DMD: variants seen among roughly 807,000 people sequenced by gnomAD.
The protein encoded by DMD is mutant dystrophin.
Under a neutral mutation model 330.1 loss-of-function variants are expected in DMD, and 63 were observed. The ratio of observed to expected loss-of-function variants is 0.19; its 90% confidence interval spans 0.16 to 0.24. The LOEUF is 0.24. Ranked by LOEUF, DMD falls within the 10% of genes least tolerant of loss-of-function variation. The probability of loss-of-function intolerance (pLI) is 1.00; values close to 1 mark genes in which losing one functional copy is unlikely to be tolerated. For synonymous variants in DMD, 1,223 were observed against 959.8 expected (o/e 1.27, Z -5.07); for missense variants, 3,344 against 2,684.1 (o/e 1.25, Z -5.43).
intron 43 of DMD, among the ~76,000 whole-genome samples, chrX:32,284,788 G>T (rs1413735044): frequency 2.7e-5 from 3 of 112,229 alleles, no homozygotes; most frequent in Non-Finnish European, 5.6e-5. Context: ...TTGTATCTGA[G>T]ATTGTACTAA....
chrX:32,080,774 A>G (rs531082410), intron 44 of DMD, among the ~76,000 whole-genome samples: 2 of 111,562 alleles, frequency 1.8e-5, no homozygotes, highest in South Asian at 7.7e-4. Context: ...AGCCATGAAG[A>G]GCCCCCTTGC....
rs192905040 is a variant in DMD, at chrX:31,750,025, T to C, written c.7543-20277A>G. On this transcript the variant is annotated intron_variant, in intron 51 of 78. Coordinates refer to ENST00000357033, the MANE Select transcript of DMD (RefSeq NM_004006.3). ...TTTCTTGTAAATTTGTTGGAGTTCA[T>C]TGTAGATTCTGGATATTAGCTCTTT... is the stretch of plus-strand genomic sequence containing the variant. Among the ~76,000 whole-genome samples, 495 of 110,421 alleles carry C rather than the reference T, an allele frequency of 4.5e-3. 4 individuals carry two copies. Among genetic ancestry groups the C allele is most frequent in the African/African-American group, 0.016 (469 of 30,252 alleles).
chrX:32,809,671 C>A, intron 6 of DMD, 60 bp from the exon 7 acceptor site: 2 of 1,002,259 alleles, frequency 2.0e-6, no homozygotes, highest in Admixed American at 2.2e-5. Context: ...CTAGAATGTT[C>A]CATGAGATTT....
intron 1 of DMD, among the ~76,000 whole-genome samples, chrX:33,317,881 C>T (rs2053955600): frequency 9.0e-6 from 1 of 111,293 alleles, no homozygotes; most frequent in Admixed American, 9.6e-5. Context: ...ACAGTCTAGT[C>T]CATTATTAAC....
intron 7 of DMD, among the ~76,000 whole-genome samples, chrX:32,739,649 C>T (rs187437477): frequency 7.9e-4 from 88 of 111,761 alleles, no homozygotes; most frequent in Admixed American, 2.6e-3. Context: ...AATTTGGAAA[C>T]TTGAGAAGTA....
intron 43 of DMD, among the ~76,000 whole-genome samples, chrX:32,230,351 T>C: frequency 8.9e-6 from 1 of 111,871 alleles, no homozygotes; most frequent in East Asian, 2.8e-4. Context: ...TTCACGCCTT[T>C]CTCCCGCCTC....
chrX:31,655,446 A>G (rs1346152884), intron 54 of DMD, among the ~76,000 whole-genome samples: 11 of 111,283 alleles, frequency 9.9e-5, no homozygotes, highest in Non-Finnish European at 2.1e-4. Flanking sequence ...ATGCTGAAAT[A>G]AGATTTTTGG....
intron 9 of DMD, among the ~76,000 whole-genome samples, chrX:32,661,387 CT>C (rs200499846): frequency 0.036 from 4,038 of 110,737 alleles, 183 homozygotes; most frequent in African/African-American, 0.13. Context: ...CTACATTTTA[CT>C]ATGAGGAGAC....
intron 61 of DMD, among the ~76,000 whole-genome samples, chrX:31,332,234 C>T (rs753534954): frequency 4.8e-4 from 54 of 112,225 alleles, no homozygotes; most frequent in African/African-American, 1.7e-3. Flanking sequence ...TAGAAACCAT[C>T]TAAACTGAAC....
At position 33,084,553 on chromosome X, in the gene DMD, G is replaced by A. The variant is rs190050965; in HGVS notation, c.32-64353C>T. 1.5e-4 allele frequency among the ~76,000 whole-genome samples: 17 copies of A among 111,403 alleles called. 1 individual carries two copies. The highest frequency in any genetic ancestry group is 5.5e-4 in the African/African-American group (17 of 30,656). ...AGTTGGAGCTGTCTTCTTGCGCTGA[G>A]TCAGTTCCTGGGTGGAGGCCACAAG... On this transcript the variant is annotated intron_variant, in intron 1 of 78. Coordinates refer to ENST00000357033, the MANE Select transcript of DMD (RefSeq NM_004006.3).
chrX:32,410,367 C>G (rs1301286554), intron 30 of DMD, among the ~76,000 whole-genome samples: 1 of 111,639 alleles, frequency 9.0e-6, no homozygotes, highest in African/African-American at 3.3e-5. Flanking sequence ...CCTATCAAAA[C>G]TACCTATACT....
At chrX:33,155,585 G>A (rs917553389) in intron 1 of DMD, among the ~76,000 whole-genome samples, 4 of 111,150 alleles carry the variant, frequency 3.6e-5, no homozygotes, top group African/African-American at 1.3e-4. Flanking sequence ...CAAAGTGCTG[G>A]GATTGCAGGT....
At chrX:31,445,091 C>A (rs1336535164) in intron 59 of DMD, among the ~76,000 whole-genome samples, 2 of 111,841 alleles carry the variant, frequency 1.8e-5, no homozygotes, top group Admixed American at 9.5e-5. Flanking sequence ...GCAGCTGGAA[C>A]AGACTAAGAC....
At position 32,411,896 on chromosome X, in the gene DMD, C is replaced by G. The variant is rs956187688; in HGVS notation, c.4089G>C (p.Lys1363Asn). ...CAGACTGGATGCTCTGTTCAAGCAA[C>G]TTTTGCCTCCTTACAGCCTAAAAAG... is the stretch of plus-strand genomic sequence containing the variant. ...ELHEEAVRRQKLLEQSIQSAQ... is the reference protein window; with the variant it reads ...ELHEEAVRRQNLLEQSIQSAQ... The change falls in exon 30 of 79, where the codon AAG (lysine) becomes AAC (asparagine). Residue 1363 changes from lysine to asparagine, a missense_variant. By Grantham distance (94) the Lys-to-Asn change is moderately conservative. Coordinates refer to ENST00000357033, the MANE Select transcript of DMD (RefSeq NM_004006.3). The G allele has an allele frequency of 8.3e-7, 1 of 1,210,729 alleles. No individual in the cohort carries two copies. The highest frequency in any genetic ancestry group is 1.1e-6 in the Non-Finnish European group (1 of 895,085).
At chrX:32,342,051 T>A in intron 41 of DMD, 49 bp downstream of exon 41, 1 of 1,139,220 alleles carries the variant, frequency 8.8e-7, no homozygotes, top group Non-Finnish European at 1.2e-6. Flanking sequence ...CCTCTGTTAA[T>A]AGAGTAGTAG....
intron 48 of DMD, among the ~76,000 whole-genome samples, chrX:31,840,723 G>C (rs779109529): frequency 4.6e-5 from 5 of 109,812 alleles, no homozygotes; most frequent in African/African-American, 1.7e-4. Context: ...TATGGTGATG[G>C]GTAATCAGTA....
At chrX:32,979,492 C>T (rs983460953) in intron 2 of DMD, among the ~76,000 whole-genome samples, 12 of 111,026 alleles carry the variant, frequency 1.1e-4, no homozygotes, top group East Asian at 8.5e-4. Context: ...ATTGGAATGA[C>T]GGAAGGTATT....
At chrX:31,972,366 G>A (rs763471969) in intron 44 of DMD, among the ~76,000 whole-genome samples, 1 of 111,529 alleles carries the variant, frequency 9.0e-6, no homozygotes, top group Admixed American at 9.5e-5. Context: ...ATAAGAAAAA[G>A]AAACCACTAC....
intron 57 of DMD, among the ~76,000 whole-genome samples, chrX:31,493,999 A>C (rs1278141073): frequency 1.8e-5 from 2 of 109,979 alleles, no homozygotes; most frequent in Non-Finnish European, 3.8e-5. Flanking sequence ...TCTACTAAAA[A>C]TACAAACATT....
Sources: allele counts gnomAD v4.1 joint callset (sites outside exome capture counted in the v4.1 genomes callset), GRCh38; gene constraint gnomAD v4.1.1; transcripts MANE v1.5; gene names NCBI Gene and HGNC (gene_info 2026-07-23, HGNC 2026-07-21).